Variants in CXCL13 observed in about 807,000 individuals in gnomAD.
CXCL13 encodes C-X-C motif chemokine 13.
CXCL13 carries 7 observed loss-of-function variants against 12.2 expected under a neutral mutation model. The observed-to-expected ratio is 0.57, with a 90% CI of 0.33 to 1.07. The LOEUF (loss-of-function observed/expected upper bound fraction) is 1.07, where lower values mean the gene tolerates loss of function less well. CXCL13 is among the 50% of genes least tolerant of loss of function. The pLI is 0.04. For missense variants in CXCL13, 113 were observed against 127.4 expected, an observed-to-expected ratio of 0.89 and a Z score of 0.55; for synonymous variants, 47 against 42.4, an observed-to-expected ratio of 1.11 and a Z score of -0.42.
chr4:77,536,086 C>T (rs1725051991), intron 1 of CXCL13, among the ~76,000 whole-genome samples: 2 of 152,114 alleles, frequency 1.3e-5, no homozygotes, highest in Admixed American at 1.3e-4. Context: ...ATTGGCCAAA[C>T]CCAACTGGAA....
intron 1 of CXCL13, among the ~76,000 whole-genome samples, chr4:77,545,810 A>T (rs1214228286): frequency 1.3e-5 from 2 of 152,204 alleles, no homozygotes; most frequent in Non-Finnish European, 2.9e-5. Context: ...GAGAGAGGGC[A>T]TCCCTGTCTT....
At chr4:77,609,539 C>T (rs181564231) in intron 2 of CXCL13, among the ~76,000 whole-genome samples, 2 of 151,944 alleles carry the variant, frequency 1.3e-5, no homozygotes, top group Non-Finnish European at 2.9e-5. Flanking sequence ...GGCTCCTGGC[C>T]TCAAGCAATC....
chr4:77,543,649 T>A (rs1301118436), intron 1 of CXCL13, among the ~76,000 whole-genome samples: 1 of 152,174 alleles, frequency 6.6e-6, no homozygotes, highest in Non-Finnish European at 1.5e-5. Flanking sequence ...TTAATTTTCA[T>A]GTAATTGTGT....
At chr4:77,561,031 G>T (rs994955571) in intron 1 of CXCL13, among the ~76,000 whole-genome samples, 1 of 152,144 alleles carries the variant, frequency 6.6e-6, no homozygotes, top group Non-Finnish European at 1.5e-5. Context: ...AGCTGGTTAT[G>T]TTCCATTTAA....
At chr4:77,584,831 T>C (rs1726415698) in intron 1 of CXCL13, among the ~76,000 whole-genome samples, 1 of 151,974 alleles carries the variant, frequency 6.6e-6, no homozygotes, top group Admixed American at 6.6e-5. Context: ...CTTTTTCTCC[T>C]CTAGGTTTTT....
At chr4:77,556,511 C>T (rs907491682) in intron 1 of CXCL13, among the ~76,000 whole-genome samples, 1 of 152,046 alleles carries the variant, frequency 6.6e-6, no homozygotes, top group Non-Finnish European at 1.5e-5. Context: ...TGTCCTATAG[C>T]TTGATCGGGG....
chr4:77,557,571 T>C (rs1052575595), intron 1 of CXCL13, among the ~76,000 whole-genome samples: 2 of 152,360 alleles, frequency 1.3e-5, no homozygotes, highest in South Asian at 2.1e-4. Context: ...TCTCTGCAAG[T>C]CAGATCCATT....
At chr4:77,548,418 C>G (rs1479187405) in intron 1 of CXCL13, among the ~76,000 whole-genome samples, 1 of 152,216 alleles carries the variant, frequency 6.6e-6, no homozygotes, top group Non-Finnish European at 1.5e-5. Flanking sequence ...AATGGGACAT[C>G]TATGACACCA....
At chr4:77,527,363 T>C (rs574535780) in intron 1 of CXCL13, among the ~76,000 whole-genome samples, 1 of 152,310 alleles carries the variant, frequency 6.6e-6, no homozygotes, top group South Asian at 2.1e-4. Flanking sequence ...CTGGGCACAG[T>C]GACTCATGCC....
intron 1 of CXCL13, among the ~76,000 whole-genome samples, chr4:77,569,393 A>G (rs2109817573): frequency 6.6e-6 from 1 of 152,350 alleles, no homozygotes; most frequent in Non-Finnish European, 1.5e-5. Context: ...AAGCTTCTTG[A>G]GCTGATAAAC....
intron 1 of CXCL13, among the ~76,000 whole-genome samples, chr4:77,552,880 G>A (rs1472587897): frequency 6.6e-6 from 1 of 152,224 alleles, no homozygotes; most frequent in East Asian, 1.9e-4. Flanking sequence ...TGAGGTGGCT[G>A]AGGCTGTTGA....
intron 1 of CXCL13, among the ~76,000 whole-genome samples, chr4:77,586,542 C>T (rs1015551158): frequency 2.6e-5 from 4 of 152,082 alleles, no homozygotes; most frequent in Admixed American, 1.3e-4. Context: ...CCACTGTGCC[C>T]ACGAGGACAA....
chr4:77,546,295 A>G (rs1725361167), intron 1 of CXCL13, among the ~76,000 whole-genome samples: 2 of 152,106 alleles, frequency 1.3e-5, no homozygotes, highest in African/African-American at 4.8e-5. Context: ...CTCTTTTTCT[A>G]TTGATTGGAA....
intron 1 of CXCL13, among the ~76,000 whole-genome samples, chr4:77,545,866 A>G (rs1725349618): frequency 6.6e-6 from 1 of 152,206 alleles, no homozygotes; most frequent in Non-Finnish European, 1.5e-5. Context: ...TCCATTCAGT[A>G]TGATATTGGC....
At chr4:77,597,841 C>T (rs150957024) in intron 1 of CXCL13, among the ~76,000 whole-genome samples, 2 of 152,172 alleles carry the variant, frequency 1.3e-5, no homozygotes, top group African/African-American at 4.8e-5. Flanking sequence ...ACCTGCCCAC[C>T]ACCAGCACCT....
chr4:77,543,679 G>A (rs1725261514), intron 1 of CXCL13, among the ~76,000 whole-genome samples: 1 of 151,850 alleles, frequency 6.6e-6, no homozygotes, highest in Non-Finnish European at 1.5e-5. Context: ...AGATCATCTT[G>A]GTATTTATTT....
intron 1 of CXCL13, among the ~76,000 whole-genome samples, chr4:77,571,719 C>T (rs1290313658): frequency 5.3e-5 from 8 of 151,780 alleles, no homozygotes; most frequent in Non-Finnish European, 1.0e-4. Flanking sequence ...AAGCAGGCTG[C>T]CGGAGCCAGC....
chr4:77,523,555 C>G (rs1361212538), intron 1 of CXCL13, among the ~76,000 whole-genome samples: 1 of 152,290 alleles, frequency 6.6e-6, no homozygotes, highest in Middle Eastern at 3.4e-3. Flanking sequence ...TGGTTTTCAG[C>G]TCCATCAGGT....
chr4:77,530,165 G>A (rs1012323720), intron 1 of CXCL13, among the ~76,000 whole-genome samples: 8 of 152,130 alleles, frequency 5.3e-5, no homozygotes, highest in Admixed American at 6.5e-5. Flanking sequence ...ATGTGCTTCT[G>A]GATTCAGTTT....
Sources: gnomAD v4.1 joint callset for allele counts (sites outside exome capture counted in the v4.1 genomes callset) on GRCh38, gnomAD v4.1.1 for gene constraint, MANE v1.5 for transcripts, NCBI Gene and HGNC (gene_info 2026-07-23, HGNC 2026-07-21) for gene names.